The following PDE1C variants were observed in gnomAD, a reference collection of about 807,000 sequenced individuals.
PDE1C encodes the protein dual specificity calcium/calmodulin-dependent 3',5'-cyclic nucleotide phosphodiesterase 1C.
In PDE1C, 62 loss-of-function variants were observed where a neutral mutation model predicts 93.1. The observed-to-expected ratio is 0.67, with a 90% confidence interval of 0.54 to 0.82. The LOEUF (loss-of-function observed/expected upper bound fraction) is 0.82, where lower values mean the gene tolerates loss of function less well. Ranked by LOEUF, PDE1C falls within the 40% of genes least tolerant of loss-of-function variation. The pLI, the probability that PDE1C is intolerant of heterozygous loss-of-function variation, is 0.00. For synonymous variants in PDE1C, 325 were observed against 310.1 expected, an observed-to-expected ratio of 1.05 and a Z score of -0.50; for missense variants, 742 against 884.6, an observed-to-expected ratio of 0.84 and a Z score of 2.04.
intron 1 of PDE1C, among the ~76,000 whole-genome samples, chr7:32,335,189 A>T (rs1378328047): frequency 6.6e-6 from 1 of 152,200 alleles, no homozygotes; most frequent in East Asian, 1.9e-4. Flanking sequence ...GACCTGTCCA[A>T]ATTGCCTAAG....
At chr7:31,661,912 A>T in the PDE1C span, among the ~76,000 whole-genome samples, 1 of 152,212 alleles carries the variant, frequency 6.6e-6, no homozygotes, top group South Asian at 2.1e-4. Flanking sequence ...GAGCAATCGC[A>T]TTTGCACCTT....
chr7:31,983,646 AC>A (rs2129062651), intron 2 of PDE1C, among the ~76,000 whole-genome samples: 1 of 152,174 alleles, frequency 6.6e-6, no homozygotes, highest in African/African-American at 2.4e-5. Context: ...TTAAAAAATC[AC>A]CATGGTTTAC....
intron 3 of PDE1C, among the ~76,000 whole-genome samples, chr7:32,128,906 A>AATATATATATATATATATATAT (rs763801947): frequency 1.8e-5 from 1 of 56,000 alleles, no homozygotes; most frequent in African/African-American, 6.7e-5. Context: ...AAGTATAACA[A>AATATATATATATATATATATAT]ATATATATAT....
At chr7:32,153,125 G>T (rs1801363757) in intron 3 of PDE1C, among the ~76,000 whole-genome samples, 2 of 152,348 alleles carry the variant, frequency 1.3e-5, no homozygotes, top group South Asian at 4.1e-4. Context: ...CCAGTGCCCA[G>T]CAGGCTTTTG....
At chr7:32,227,698 A>G (rs1043589611) in intron 1 of PDE1C, among the ~76,000 whole-genome samples, 2 of 152,202 alleles carry the variant, frequency 1.3e-5, no homozygotes, top group Non-Finnish European at 2.9e-5. Flanking sequence ...GGAAGGACCA[A>G]TGTCACCAAC....
chr7:31,761,908 A>T (rs915640528), intron 17 of PDE1C, among the ~76,000 whole-genome samples: 4 of 152,172 alleles, frequency 2.6e-5, no homozygotes, highest in Non-Finnish European at 2.9e-5. Context: ...TTTTCCATTT[A>T]AAAAAATGGA....
At chr7:32,257,620 G>T (rs6959931) in intron 1 of PDE1C, among the ~76,000 whole-genome samples, 84,225 of 151,744 alleles carry the variant, frequency 0.56, 24,992 homozygotes, top group Admixed American at 0.67. Context: ...CATTATTATT[G>T]CTATTATTGT....
intron 9 of PDE1C, among the ~76,000 whole-genome samples, chr7:31,841,175 A>G (rs183275852): frequency 2.5e-4 from 38 of 149,272 alleles, no homozygotes; most frequent in Non-Finnish European, 4.2e-4. Context: ...TTATTTTCCA[A>G]TGGTTTGCTG....
intron 1 of PDE1C, among the ~76,000 whole-genome samples, chr7:32,332,917 T>A (rs929688116): frequency 6.6e-6 from 1 of 152,170 alleles, no homozygotes; most frequent in African/African-American, 2.4e-5. Context: ...AGGAGGTTTC[T>A]CGGATGCCAA....
At chr7:31,947,942 T>G in intron 2 of PDE1C, among the ~76,000 whole-genome samples, 1 of 152,186 alleles carries the variant, frequency 6.6e-6, no homozygotes, top group South Asian at 2.1e-4. Context: ...GATGTGCAGG[T>G]GATGGTGGTA....
intron 8 of PDE1C, among the ~76,000 whole-genome samples, chr7:31,849,171 A>T (rs529504190): frequency 6.6e-6 from 1 of 152,164 alleles, no homozygotes; most frequent in Admixed American, 6.5e-5. Context: ...ATACCAACTG[A>T]TGTATATTTC....
At chr7:32,196,054 T>C (rs1804589037) in intron 2 of PDE1C, among the ~76,000 whole-genome samples, 3 of 152,214 alleles carry the variant, frequency 2.0e-5, no homozygotes, top group African/African-American at 7.2e-5. Flanking sequence ...GCTTGGTTAC[T>C]GTCAGTTAGA....
At chr7:31,966,234 C>A (rs1386631390) in intron 2 of PDE1C, among the ~76,000 whole-genome samples, 2 of 152,094 alleles carry the variant, frequency 1.3e-5, no homozygotes, top group Admixed American at 1.3e-4. Context: ...CAGAGACACA[C>A]ATAGGCTCAA....
At chr7:31,838,032 TG>T in intron 9 of PDE1C, 61 bp from the exon 10 acceptor site, 2 of 1,127,130 alleles carry the variant, frequency 1.8e-6, no homozygotes, top group Non-Finnish European at 2.7e-6. Context: ...TAAAAATCAG[TG>T]TTTTTTTTTT....
intron 2 of PDE1C, among the ~76,000 whole-genome samples, chr7:32,035,451 T>G (rs1160471023): frequency 6.6e-6 from 1 of 152,192 alleles, no homozygotes; most frequent in Admixed American, 6.5e-5. Flanking sequence ...TTGAGCTGCT[T>G]TTCACGTTTC....
intron 3 of PDE1C, among the ~76,000 whole-genome samples, chr7:32,147,300 GAAAGAAAGAAAGAAAGAAAGAA>G (rs1563352791): frequency 4.4e-5 from 6 of 137,730 alleles, no homozygotes; most frequent in African/African-American, 1.7e-4. Flanking sequence ...AAGAAAGAAA[GAAAGAAAGAAAGAAAGAAAGAA>G]AGAAAGAAAG....
intron 17 of PDE1C, among the ~76,000 whole-genome samples, chr7:31,768,405 T>A (rs1287655827): frequency 6.6e-6 from 1 of 152,188 alleles, no homozygotes; most frequent in Non-Finnish European, 1.5e-5. Flanking sequence ...TCATCTGTTG[T>A]TGGATCAAGG....
chr7:31,671,928 T>C, the PDE1C span, among the ~76,000 whole-genome samples: 2 of 152,180 alleles, frequency 1.3e-5, no homozygotes, highest in Non-Finnish European at 2.9e-5. Context: ...CCCCACAAGG[T>C]CTTTTGTACT....
the PDE1C span, among the ~76,000 whole-genome samples, chr7:31,732,719 C>CT: frequency 6.8e-4 from 102 of 150,488 alleles, no homozygotes; most frequent in African/African-American, 2.4e-3. Flanking sequence ...CACCAAGACA[C>CT]TTAGAGCTCT....
Sources: gnomAD v4.1 joint callset for allele counts (sites outside exome capture counted in the v4.1 genomes callset) on GRCh38, gnomAD v4.1.1 for gene constraint, MANE v1.5 for transcripts, NCBI Gene and HGNC (gene_info 2026-07-23, HGNC 2026-07-21) for gene names.